PPOX: variants seen among roughly 807,000 people sequenced by gnomAD.
PPOX encodes the protein variegate porphyria.
PPOX carries 23 observed loss-of-function variants against 54.1 expected under a neutral mutation model. The observed-to-expected ratio is 0.43, with a 90% CI of 0.31 to 0.60. The LOEUF is 0.60. PPOX is among the 20% of genes least tolerant of loss of function. The pLI is 0.13. For synonymous variants in PPOX, 224 were observed against 236.1 expected (o/e 0.95, Z 0.47); for missense variants, 512 against 601.1 (o/e 0.85, Z 1.55).
chr1:161,166,980 C>T, intron 2 of PPOX, 46 bp downstream of exon 2: 1 of 1,611,252 alleles, frequency 6.2e-7, no homozygotes. Context: ...TAATGCTCTT[C>T]CCATTTCCAT....
chr1:161,168,850 G>C, intron 6 of PPOX, 143 bp from the exon 7 acceptor site: 1 of 984,984 alleles, frequency 1.0e-6, no homozygotes, highest in Non-Finnish European at 1.5e-6. Flanking sequence ...TTTTTGTAGA[G>C]ATGCAGTTTC....
Position 161,169,098 on chromosome 1 carries a change from A to C in PPOX, c.722A>C (p.Glu241Ala). 1 of 1,614,184 alleles carries C rather than the reference A, an allele frequency of 6.2e-7. No individual in the cohort carries two copies. Among genetic ancestry groups the C allele is most frequent in the South Asian group, 1.1e-5 (1 of 91,086 alleles). ...CTAGAGATGTTGCCTCAGGCCCTTG[A>C]AACCCACCTGACTAGTAGGGGGGTC... ...GGLEMLPQAL[E>A]THLTSRGVSV... Residue 241 changes from glutamate (E) to alanine (A), a missense_variant, in exon 7 of 13, where the codon GAA becomes GCA. Glu to Ala is a moderately radical substitution (Grantham distance 107, BLOSUM62 -1). Transcript: ENST00000367999.
intron 5 of PPOX, 28 bp from the exon 6 acceptor site, chr1:161,168,404 G>A (rs760348665): frequency 9.9e-6 from 16 of 1,613,314 alleles, no homozygotes; most frequent in South Asian, 8.8e-5. Context: ...TTATTTTTTC[G>A]CTCCTTAGTC....
In PPOX at chr1:161,166,471, G is replaced by A. The variant is rs1265738670; in HGVS notation, c.-210G>A. The A allele has an allele frequency of 7.3e-6, 9 of 1,238,748 alleles. No individual in the cohort carries two copies. The East Asian group carries it at 3.9e-4, about 54-fold the overall frequency. 76.7% of individuals were successfully genotyped at this position (1,238,748 alleles called of 1,614,324 possible). On this transcript the variant is annotated 5_prime_UTR_variant, in exon 1 of 13. Coordinates refer to ENST00000367999, the MANE Select transcript of PPOX (RefSeq NM_001122764.3). ...CGAAAAGGCTGGGGGTGGGAGTAGC[G>A]GATTTGAAGCACTTGTTGGCCTACA...
downstream of PPOX, chr1:161,174,076 C>A: frequency 6.2e-7 from 1 of 1,607,380 alleles, no homozygotes; most frequent in Non-Finnish European, 8.5e-7. Flanking sequence ...GGGAACCAGA[C>A]TATGTCTGTA....
intron 4 of PPOX, chr1:161,176,734 T>C: frequency 1.2e-6 from 1 of 802,192 alleles, no homozygotes; most frequent in Non-Finnish European, 2.0e-6. Flanking sequence ...TCTCCCGTGC[T>C]ACCCTGGAAT....
intron 4 of PPOX, 71 bp downstream of exon 4, chr1:161,167,557 CTTTTTTTT>C (rs397731347): frequency 4.0e-4 from 220 of 555,004 alleles, no homozygotes; most frequent in Middle Eastern, 1.3e-3. Context: ...TTCTTCTTTT[CTTTTTTTT>C]TTTTTTTTTT....
At chr1:161,175,356 A>G, downstream of PPOX, 1 of 813,766 alleles carries the variant, frequency 1.2e-6, no homozygotes, top group Non-Finnish European at 1.9e-6. Context: ...TCACTCAGAA[A>G]TCTCGCATGC....
At chr1:161,167,952 G>A (rs1477115460) in intron 4 of PPOX, 43 bp from the exon 5 acceptor site, 1 of 1,613,756 alleles carries the variant, frequency 6.2e-7, no homozygotes, top group Admixed American at 1.7e-5. Context: ...AGCTGGGGAG[G>A]TATGTCAGGA....
At chr1:161,173,915 C>T, downstream of PPOX, 1 of 1,614,196 alleles carries the variant, frequency 6.2e-7, no homozygotes, top group East Asian at 2.2e-5. Context: ...GGGGGTCACA[C>T]ACATACAGAT....
chr1:161,169,867 G>A (rs1201776956), intron 8 of PPOX, 39 bp from the exon 9 acceptor site: 1 of 1,613,966 alleles, frequency 6.2e-7, no homozygotes, highest in Non-Finnish European at 8.5e-7. Flanking sequence ...CAACTGTAAT[G>A]GGAATGCCTT....
downstream of PPOX, chr1:161,175,262 A>AG: frequency 6.4e-7 from 1 of 1,574,258 alleles, no homozygotes; most frequent in Non-Finnish European, 8.7e-7. Context: ...GAGGGATCAG[A>AG]GGGGCAAAGA....
chr1:161,174,810 C>G (rs540205127), downstream of PPOX: 1 of 632,866 alleles, frequency 1.6e-6, no homozygotes, highest in East Asian at 2.8e-5. Flanking sequence ...ATAACCTAAG[C>G]AGATTAAGGA....
Position 161,166,745 on chromosome 1 carries a change from G to A in PPOX, c.-9+73G>A, listed in dbSNP as rs575436407. The A allele has an allele frequency of 3.2e-6, 5 of 1,572,944 alleles. No individual in the cohort carries two copies. In the South Asian group the frequency reaches 5.7e-5, roughly 18 times the overall value. ...CCGTGCACACTTAGTTTCCCCTAAAGCAGTGAGTGGCCGGGATAGAACTCA... is the reference window on the plus strand; with the variant it reads ...CCGTGCACACTTAGTTTCCCCTAAAACAGTGAGTGGCCGGGATAGAACTCA... On this transcript the variant is annotated intron_variant, in intron 1 of 12. Coordinates refer to ENST00000367999, the MANE Select transcript of PPOX (RefSeq NM_001122764.3).
chr1:161,171,858 A>T, downstream of PPOX: 1 of 1,614,188 alleles, frequency 6.2e-7, no homozygotes, highest in Non-Finnish European at 8.5e-7. Context: ...CAGTAGATAG[A>T]GGCCCAGGCC....
At chr1:161,172,485 G>T, downstream of PPOX, 1 of 654,696 alleles carries the variant, frequency 1.5e-6, no homozygotes, top group Non-Finnish European at 2.5e-6. Flanking sequence ...GAAGGAAATG[G>T]CTGAAGAGAA....
chr1:161,176,034 A>G, downstream of PPOX: 1 of 1,614,112 alleles, frequency 6.2e-7, no homozygotes, highest in Non-Finnish European at 8.5e-7. Flanking sequence ...CCAGCGTGCA[A>G]GGCCGCTCCA....
At position 161,167,035 on chromosome 1, in the gene PPOX, T is replaced by TC. The variant is rs1421649305; in HGVS notation, c.88-61dup. The stretch of plus-strand genomic sequence containing the variant: ...GGCCCTCTGAATATGCCTCTTCCCC[T>TC]CCCCTCCTGACCTCTCGCCGGCGGC... On this transcript the variant is annotated intron_variant, in intron 2 of 12. Coordinates refer to ENST00000367999, the MANE Select transcript of PPOX (RefSeq NM_001122764.3). The TC allele has an allele frequency of 3.1e-5, 50 of 1,613,268 alleles. No homozygotes were observed. In the East Asian group the frequency reaches 1.1e-3, roughly 36 times the overall value.
downstream of PPOX, chr1:161,174,010 C>T (rs201368066): frequency 1.9e-6 from 3 of 1,614,070 alleles, no homozygotes; most frequent in East Asian, 2.2e-5. Flanking sequence ...CGCACCCCAA[C>T]GTTCAACAGT....
Sources: allele counts gnomAD v4.1 joint callset, GRCh38; gene constraint gnomAD v4.1.1; transcripts MANE v1.5; gene names NCBI Gene and HGNC (gene_info 2026-07-23, HGNC 2026-07-21).